SPRED2: variants seen among roughly 807,000 people sequenced by gnomAD.
The protein encoded by SPRED2 is sprouty-related, EVH1 domain-containing protein 2.
A neutral mutation model predicts 43.0 loss-of-function variants in SPRED2; 47 were observed. That is an observed-to-expected ratio of 1.09 (90% confidence interval 0.87 to 1.40). The LOEUF (loss-of-function observed/expected upper bound fraction) is 1.40. SPRED2 is among the 40% of genes most tolerant of loss of function. The probability of loss-of-function intolerance (pLI) is 0.00; values close to 1 mark genes in which losing one functional copy is unlikely to be tolerated. For synonymous variants in SPRED2, 225 were observed against 225.7 expected, an observed-to-expected ratio of 1.00 and a Z score of 0.03; for missense variants, 561 against 586.4, an observed-to-expected ratio of 0.96 and a Z score of 0.45.
chr2:65,417,911 C>A (rs1186510631), intron 1 of SPRED2, among the ~76,000 whole-genome samples: 1 of 152,182 alleles, frequency 6.6e-6, no homozygotes, highest in Non-Finnish European at 1.5e-5. Context: ...ATACTGAAAC[C>A]AAACAAAAAC....
chr2:65,346,345 G>A (rs906384641), intron 1 of SPRED2, among the ~76,000 whole-genome samples: 1 of 150,100 alleles, frequency 6.7e-6, no homozygotes, highest in Admixed American at 6.6e-5. Flanking sequence ...TTTTCATTGC[G>A]GTAAAATATG....
At chr2:65,345,803 C>T (rs1674335141) in intron 1 of SPRED2, among the ~76,000 whole-genome samples, 2 of 152,186 alleles carry the variant, frequency 1.3e-5, no homozygotes, top group African/African-American at 4.8e-5. Flanking sequence ...TCTAAAACCT[C>T]AATTTCACAA....
intron 1 of SPRED2, among the ~76,000 whole-genome samples, chr2:65,360,068 A>AC (rs1674760454): frequency 1.6e-5 from 2 of 125,936 alleles, no homozygotes; most frequent in African/African-American, 5.6e-5. Flanking sequence ...CCATCTCAAA[A>AC]AAAAAAAAAA....
At chr2:65,335,214 A>T (rs1378475932) in intron 2 of SPRED2, among the ~76,000 whole-genome samples, 1 of 151,976 alleles carries the variant, frequency 6.6e-6, no homozygotes, top group African/African-American at 2.4e-5. Context: ...TGGCAATACC[A>T]ATCCCTCTCC....
chr2:65,322,113 A>C lies in SPRED2; in HGVS notation c.439-5230T>G, dbSNP rs1349073505. Among the ~76,000 whole-genome samples, 4 of 151,738 alleles carry C rather than the reference A, an allele frequency of 2.6e-5. No homozygotes were observed. In the East Asian group the frequency reaches 7.8e-4, roughly 29 times the overall value. ...TTTAAACTGTGACTGCTGGTATATG[A>C]AAGTTACTGATTCTGTATGTTGATC... is the stretch of plus-strand genomic sequence containing the variant. On this transcript the variant is annotated intron_variant, in intron 4 of 5. Transcript: ENST00000356388.
chr2:65,341,416 A>G (rs1674180853), intron 2 of SPRED2, among the ~76,000 whole-genome samples: 1 of 152,188 alleles, frequency 6.6e-6, no homozygotes, highest in South Asian at 2.1e-4. Flanking sequence ...TGTGTACACT[A>G]GCAACAAACA....
intron 4 of SPRED2, among the ~76,000 whole-genome samples, chr2:65,323,448 G>C (rs1244487444): frequency 6.6e-6 from 1 of 152,022 alleles, no homozygotes; most frequent in Admixed American, 6.6e-5. Context: ...GAGAGAGTAA[G>C]AAAAGAGAAG....
chr2:65,384,355 G>A (rs1572884948), intron 1 of SPRED2, among the ~76,000 whole-genome samples: 1 of 152,078 alleles, frequency 6.6e-6, no homozygotes, highest in Non-Finnish European at 1.5e-5. Flanking sequence ...CAAGCTTGAC[G>A]GGCAAAGCTC....
rs936221283 is a variant in SPRED2, at chr2:65,366,527, C to T, written c.27-21631G>A. ...TTAAAAAAATGCTAAAAGCAGGCAC[C>T]AGAAAGGTTAAGAATAAGAGAACAA... On this transcript the variant is annotated intron_variant, in intron 1 of 5. Transcript: ENST00000356388. 18 of 1,510,280 alleles carry T rather than the reference C, an allele frequency of 1.2e-5. 1 individual carries two copies. Among genetic ancestry groups the T allele is most frequent in the Middle Eastern group, 1.7e-4 (1 of 5,890 alleles). 93.6% of individuals were successfully genotyped at this position (1,510,280 alleles called of 1,614,324 possible). A position where few individuals can be genotyped will look rare whatever the true frequency, so the allele number is the denominator to read the frequency against.
At chr2:65,430,892 G>A (rs1280962609) in intron 1 of SPRED2, among the ~76,000 whole-genome samples, 1 of 152,130 alleles carries the variant, frequency 6.6e-6, no homozygotes, top group Non-Finnish European at 1.5e-5. Flanking sequence ...GCTGGTGGCG[G>A]GCACAGCCAC....
intron 1 of SPRED2, among the ~76,000 whole-genome samples, chr2:65,430,820 G>A (rs1337052485): frequency 1.3e-5 from 2 of 152,084 alleles, no homozygotes; most frequent in African/African-American, 4.8e-5. Flanking sequence ...GTGCAGGGGA[G>A]GAGGGGAGGG....
intron 1 of SPRED2, among the ~76,000 whole-genome samples, chr2:65,378,368 C>G (rs995316485): frequency 6.6e-5 from 10 of 152,318 alleles, no homozygotes; most frequent in African/African-American, 2.4e-4. Flanking sequence ...CTCAGAAATA[C>G]ATACTGAAGT....
intron 1 of SPRED2, among the ~76,000 whole-genome samples, chr2:65,396,908 C>CT (rs1675772083): frequency 6.6e-6 from 1 of 152,200 alleles, no homozygotes; most frequent in Non-Finnish European, 1.5e-5. Context: ...TTCTAAACTT[C>CT]TAACCAGGCC....
At chr2:65,364,936 G>A (rs67599251) in intron 1 of SPRED2, among the ~76,000 whole-genome samples, 7,824 of 152,144 alleles carry the variant, frequency 0.051, 297 homozygotes, top group Middle Eastern at 0.15. Context: ...AAAAAACCCC[G>A]TTTACTATAA....
chr2:65,426,592 T>C (rs1025877335), intron 1 of SPRED2, among the ~76,000 whole-genome samples: 1 of 152,170 alleles, frequency 6.6e-6, no homozygotes, highest in African/African-American at 2.4e-5. Context: ...GACATTGATT[T>C]TGACTTGCAT....
rs775376684 is a variant in SPRED2, at chr2:65,314,101, G to A, written c.657C>T (p.Pro219=). 9.4e-5 allele frequency: 151 copies of A among 1,612,894 alleles called. No homozygotes were observed. The highest frequency in any genetic ancestry group is 1.2e-5 in the Non-Finnish European group (14 of 1,179,080). Residue 219 remains proline, a synonymous_variant, in exon 6 of 6, where the codon CCC becomes CCT. Transcript: ENST00000356388. ...DDDEEIVRIN[P]REKIWMTGYE... ...ACCCCGTCATCCAGATCTTCTCCCG[G>A]GGGTTGATGCGCACGATCTCCTCGT...
chr2:65,334,707 A>T lies in SPRED2; in HGVS notation c.271T>A (p.Trp91Arg), dbSNP rs1449449341. ...YTKANPTFHHWKVDNRKFGLT... is the reference protein window; with the variant it reads ...YTKANPTFHHRKVDNRKFGLT... ...CCAAACTTCCTATTATCGACCTTCC[A>T]GTGATGAAACGTTGGATTGGCTTTG... The change falls in exon 3 of 6, where the codon TGG becomes AGG. Residue 91 changes from tryptophan (W) to arginine (R), a missense_variant. Coordinates refer to ENST00000356388, the MANE Select transcript of SPRED2 (RefSeq NM_181784.3). 6.2e-7 allele frequency: 1 copy of T among 1,614,218 alleles called. No individual in the cohort carries two copies. The highest frequency in any genetic ancestry group is 8.5e-7 in the Non-Finnish European group (1 of 1,180,040).
chr2:65,319,586 C>T (rs1673350982), intron 4 of SPRED2, among the ~76,000 whole-genome samples: 1 of 152,204 alleles, frequency 6.6e-6, no homozygotes, highest in Admixed American at 6.5e-5. Flanking sequence ...TTTCCCTTCA[C>T]TATGGATTCC....
At chr2:65,412,430 A>G (rs1192262037) in intron 1 of SPRED2, among the ~76,000 whole-genome samples, 2 of 152,210 alleles carry the variant, frequency 1.3e-5, no homozygotes, top group Non-Finnish European at 2.9e-5. Flanking sequence ...GGACAGAAAT[A>G]CAGTTGTAAT....
Sources: gnomAD v4.1 joint callset for allele counts (sites outside exome capture counted in the v4.1 genomes callset) on GRCh38, gnomAD v4.1.1 for gene constraint, MANE v1.5 for transcripts, NCBI Gene and HGNC (gene_info 2026-07-23, HGNC 2026-07-21) for gene names.